IRF2BPL: variants seen among roughly 807,000 people sequenced by gnomAD.
IRF2BPL encodes the protein probable E3 ubiquitin-protein ligase IRF2BPL.
In IRF2BPL, 13 loss-of-function variants were observed where a neutral mutation model predicts 51.2. The ratio of observed to expected loss-of-function variants is 0.25; its 90% confidence interval spans 0.17 to 0.40. The LOEUF (loss-of-function observed/expected upper bound fraction) is 0.40. Among genes scored for constraint, IRF2BPL ranks in the 10% least tolerant of loss-of-function variants. IRF2BPL has a pLI of 1.00. For missense variants in IRF2BPL, 1,210 were observed against 1,111.8 expected, an observed-to-expected ratio of 1.09 and a Z score of -1.26; for synonymous variants, 768 against 509.2, an observed-to-expected ratio of 1.51 and a Z score of -6.84.
At position 77,024,669 on chromosome 14, in the gene IRF2BPL, T is replaced by C. The variant is rs1454163936; in HGVS notation, c.*733A>G. On this transcript the variant is annotated 3_prime_UTR_variant, in exon 1 of 1. Coordinates refer to ENST00000238647, the MANE Select transcript of IRF2BPL (RefSeq NM_024496.4). ...CATGTCTAGCATTTCGCTCTACTGT[T>C]CAAAAGCATCCGTGCATCAATAAAG... is the stretch of plus-strand genomic sequence containing the variant. The C allele has an allele frequency of 6.6e-6, 1 of 152,548 alleles. No homozygotes were observed. Among genetic ancestry groups the C allele is most frequent in the African/African-American group, 2.4e-5 (1 of 41,420 alleles). 9.4% of individuals were successfully genotyped at this position (152,548 alleles called of 1,614,324 possible).
chr14:77,027,027 G>C lies in IRF2BPL; in HGVS notation c.766C>G (p.Leu256Val), dbSNP rs763769095. 4 of 1,539,270 alleles carry C rather than the reference G, an allele frequency of 2.6e-6. No individual in the cohort carries two copies. The highest frequency in any genetic ancestry group is 3.5e-6 in the Non-Finnish European group (4 of 1,144,184). The change falls in exon 1 of 1, where the codon CTG becomes GTG. Residue 256 changes from leucine to valine, a missense_variant. By Grantham distance (32) the Leu-to-Val change is conservative. Coordinates refer to ENST00000238647, the MANE Select transcript of IRF2BPL (RefSeq NM_024496.4). ...CCGTTAAGCAGCGTCTGCGGTAGCA[G>C]GTTGGGGGGCACGGTGAGCTGGGGG... is the stretch of plus-strand genomic sequence containing the variant. Reference protein sequence around the residue: ...GGPQLTVPPNLLPQTLLNGPA... With the variant: ...GGPQLTVPPNVLPQTLLNGPA...
At position 77,027,633 on chromosome 14, in the gene IRF2BPL, C is replaced by T. The variant is rs1193032232; in HGVS notation, c.160G>A (p.Ala54Thr). The change falls in exon 1 of 1, where the codon GCG becomes ACG. Residue 54 changes from alanine (A) to threonine (T), a missense_variant. Ala to Thr is a moderately conservative substitution (Grantham distance 58). Coordinates refer to ENST00000238647, the MANE Select transcript of IRF2BPL (RefSeq NM_024496.4). ...CCGTGCGCCCGCTTCAGCTGGCGCG[C>T]TGTCTCGATCACGAATTCGATGCGA... ...ADRIEFVIET[A>T]RQLKRAHGCF... 1.7e-5 allele frequency: 28 copies of T among 1,608,974 alleles called. No individual in the cohort carries two copies. The Admixed American group carries it at 2.0e-4, about 12-fold the overall frequency.
In IRF2BPL at chr14:77,028,235, C is replaced by T. The variant is rs1325347395; in HGVS notation, c.-443G>A. On this transcript the variant is annotated 5_prime_UTR_variant, in exon 1 of 1. Transcript: ENST00000238647. ...CTTCCTCTCCCCGGGGACCCCCCTA[C>T]GAGCTGCGTCCTCTCCCCGACGGGC... The T allele has an allele frequency of 8.8e-6, 2 of 226,922 alleles. No individual in the cohort carries two copies. Among genetic ancestry groups the T allele is most frequent in the Non-Finnish European group, 1.9e-5 (2 of 107,984 alleles). The allele number at this position is 226,922 out of a possible 1,614,324, so 14.1% of individuals were successfully genotyped here.
At position 77,026,359 on chromosome 14, in the gene IRF2BPL, G is replaced by C. The variant is rs1158010264; in HGVS notation, c.1434C>G (p.Leu478=). ...CCTTGAAGAAGCGCACGGCTTCGGG[G>C]AGCAGGTCTCCAAGCAGGCGCCAGT... ...SGDWRLLGDL[L]PEAVRFFKEG... is the part of the protein sequence containing the mutation. The change falls in exon 1 of 1, where the codon CTC becomes CTG. Residue 478 remains leucine, a synonymous_variant. Coordinates refer to ENST00000238647, the MANE Select transcript of IRF2BPL (RefSeq NM_024496.4). 1 of 1,610,398 alleles carries C rather than the reference G, an allele frequency of 6.2e-7. No individual in the cohort carries two copies. The highest frequency in any genetic ancestry group is 8.5e-7 in the Non-Finnish European group (1 of 1,178,864).
chr14:77,026,318 G>C lies in IRF2BPL; in HGVS notation c.1475C>G (p.Ala492Gly), dbSNP rs200748907. 6.4e-7 allele frequency: 1 copy of C among 1,564,266 alleles called. No homozygotes were observed. The change falls in exon 1 of 1, where the codon GCC becomes GGC. Residue 492 changes from alanine to glycine, a missense_variant. Ala to Gly is a moderately conservative substitution (Grantham distance 60). Coordinates refer to ENST00000238647, the MANE Select transcript of IRF2BPL (RefSeq NM_024496.4). ...CAGGTAGGGCTGGGGCAGCATGTCGGCGCCGGGCACGCCCTCCTTGAAGAA... is the reference window on the plus strand; with the variant it reads ...CAGGTAGGGCTGGGGCAGCATGTCGCCGCCGGGCACGCCCTCCTTGAAGAA... ...VRFFKEGVPGADMLPQPYLDA... is the reference protein window; with the variant it reads ...VRFFKEGVPGGDMLPQPYLDA...
rs780366987 is a variant in IRF2BPL at position 77,025,780 on chromosome 14, G to C, written c.2013C>G (p.Arg671=). ...VSPASVPGQR[R]LASRNGDLNL... ...TCAGGTCCCCGTTACGTGATGCCAA[G>C]CGGCGCTGCCCCGGCACGGAGGCCG... Residue 671 remains arginine, a synonymous_variant, in exon 1 of 1, where the codon CGC becomes CGG. Transcript: ENST00000238647. The C allele has an allele frequency of 1.9e-6, 3 of 1,608,948 alleles. No individual in the cohort carries two copies. Among genetic ancestry groups the C allele is most frequent in the Non-Finnish European group, 2.5e-6 (3 of 1,177,570 alleles).
In IRF2BPL at chr14:77,025,726, G is replaced by A. The variant is rs752214312; in HGVS notation, c.2067C>T (p.Ser689=). Residue 689 remains serine (S), a synonymous_variant, in exon 1 of 1, where the codon AGC becomes AGT. Coordinates refer to ENST00000238647, the MANE Select transcript of IRF2BPL (RefSeq NM_024496.4). The part of the protein sequence containing the change: ...LNLQVAPPPP[S]AHPGMDQVHP... Reference sequence around the variant, plus strand: ...GCACTTGGTCCATGCCCGGGTGGGCGCTAGGCGGCGGGGGCGCCACCTGTA... The same window carrying A: ...GCACTTGGTCCATGCCCGGGTGGGCACTAGGCGGCGGGGGCGCCACCTGTA... 18 of 1,577,898 alleles carry A rather than the reference G, an allele frequency of 1.1e-5. No homozygotes were observed. In the Admixed American group the frequency reaches 3.0e-4, roughly 26 times the overall value.
At position 77,025,563 on chromosome 14, in the gene IRF2BPL, T is replaced by G; in HGVS notation, c.2230A>C (p.Arg744=). Residue 744 remains arginine, a synonymous_variant, in exon 1 of 1, where the codon AGA becomes CGA. Coordinates refer to ENST00000238647, the MANE Select transcript of IRF2BPL (RefSeq NM_024496.4). ...PSHKFCFPCS[R]ESIKAQGATG... ...GCCCCCTGGGCCTTGATACTCTCTC[T>G]AGAGCAAGGGAAGCAAAATTTGTGG... 6.2e-7 allele frequency: 1 copy of G among 1,611,364 alleles called. No homozygotes were observed. The highest frequency in any genetic ancestry group is 8.5e-7 in the Non-Finnish European group (1 of 1,178,888).
rs1422238249 is a variant in IRF2BPL, at chr14:77,024,866, C to A, written c.*536G>T. The A allele has an allele frequency of 8.0e-6, 1 of 124,522 alleles. No homozygotes were observed. Among genetic ancestry groups the A allele is most frequent in the Non-Finnish European group, 1.6e-5 (1 of 63,214 alleles). The allele number at this position is 124,522 out of a possible 1,614,324, so 7.7% of individuals were successfully genotyped here. A position where few individuals can be genotyped will look rare whatever the true frequency, so the allele number is the denominator to read the frequency against. On this transcript the variant is annotated 3_prime_UTR_variant, in exon 1 of 1. Coordinates refer to ENST00000238647, the MANE Select transcript of IRF2BPL (RefSeq NM_024496.4). ...ACAAAACAACAAAATAAAGTGAAGA[C>A]TTCAACACTTGGGGCAGTTTAGAAG... is the stretch of plus-strand genomic sequence containing the variant.
chr14:77,027,413 T>G lies in IRF2BPL; in HGVS notation c.380A>C (p.Gln127Pro), dbSNP rs1326657046. The change falls in exon 1 of 1, where the codon CAG (glutamine) becomes CCG (proline). Residue 127 changes from glutamine (Q) to proline (P), a missense_variant. Gln to Pro is a moderately conservative substitution (Grantham distance 76). Transcript: ENST00000238647. ...QQQQQQQQQQQLNHVDGSSKP... is the reference protein window; with the variant it reads ...QQQQQQQQQQPLNHVDGSSKP... ...GCTGGAACCATCAACGTGGTTGAGC[T>G]GTTGTTGCTGCTGCTGCTGCTGCTG... The G allele has an allele frequency of 7.1e-7, 1 of 1,416,184 alleles. No individual in the cohort carries two copies. The highest frequency in any genetic ancestry group is 9.2e-7 in the Non-Finnish European group (1 of 1,088,562). The allele number at this position is 1,416,184 out of a possible 1,614,324, so 87.7% of individuals were successfully genotyped here. A position where few individuals can be genotyped will look rare whatever the true frequency, so the allele number is the denominator to read the frequency against.
At position 77,026,125 on chromosome 14, in the gene IRF2BPL, G is replaced by T; in HGVS notation, c.1668C>A (p.Gly556=). The change falls in exon 1 of 1, where the codon GGC becomes GGA. Residue 556 remains glycine (G), a synonymous_variant. Transcript: ENST00000238647. Reference sequence around the variant, plus strand: ...GCTGTTCCTCGCCCAGCTTCAGCGCGCCCTCGGCTGAGTCCGGGGGCTCCG... The same window carrying T: ...GCTGTTCCTCGCCCAGCTTCAGCGCTCCCTCGGCTGAGTCCGGGGGCTCCG... The part of the protein sequence containing the change: ...ASPEPPDSAE[G]ALKLGEEQQR... 6.4e-7 allele frequency: 1 copy of T among 1,565,832 alleles called. No individual in the cohort carries two copies. Among genetic ancestry groups the T allele is most frequent in the Non-Finnish European group, 8.6e-7 (1 of 1,162,246 alleles).
chr14:77,026,171 A>C lies in IRF2BPL; in HGVS notation c.1622T>G (p.Leu541Arg), dbSNP rs1885109315. The change falls in exon 1 of 1, where the codon CTG (leucine) becomes CGG (arginine). Residue 541 changes from leucine (L) to arginine (R), a missense_variant. Transcript: ENST00000238647. ...APSGRGAAAS[L>R]RKRKASPEPP... ...CTCCGGAGAGGCCTTTCTCTTGCGC[A>C]GGCTGGCGGCTGCGCCCCGGCCCGA... is the stretch of plus-strand genomic sequence containing the variant. 1 of 1,449,902 alleles carries C rather than the reference A, an allele frequency of 6.9e-7. No individual in the cohort carries two copies. Among genetic ancestry groups the C allele is most frequent in the African/African-American group, 1.5e-5 (1 of 66,892 alleles). 89.8% of individuals were successfully genotyped at this position (1,449,902 alleles called of 1,614,324 possible).
chr14:77,027,297 C>T lies in IRF2BPL; in HGVS notation c.496G>A (p.Glu166Lys). 6.4e-7 allele frequency: 1 copy of T among 1,567,186 alleles called. No individual in the cohort carries two copies. Among genetic ancestry groups the T allele is most frequent in the Non-Finnish European group, 8.6e-7 (1 of 1,163,624 alleles). The change falls in exon 1 of 1, where the codon GAA becomes AAA. Residue 166 changes from glutamate (E) to lysine (K), a missense_variant. Glu to Lys is a moderately conservative substitution (Grantham distance 56). Coordinates refer to ENST00000238647, the MANE Select transcript of IRF2BPL (RefSeq NM_024496.4). ...AAAAAAAAAV[E>K]QRSRFEYPPP... Reference sequence around the variant, plus strand: ...GGGTACTCGAAGCGGCTGCGCTGTTCCACCGCAGCGGCGGCGGCGGCGGCG... The same window carrying T: ...GGGTACTCGAAGCGGCTGCGCTGTTTCACCGCAGCGGCGGCGGCGGCGGCG...
At position 77,028,304 on chromosome 14, in the gene IRF2BPL, G is replaced by T; in HGVS notation, c.-512C>A. The T allele has an allele frequency of 4.0e-6, 1 of 248,572 alleles. No individual in the cohort carries two copies. The highest frequency in any genetic ancestry group is 8.2e-6 in the Non-Finnish European group (1 of 122,366). 15.4% of individuals were successfully genotyped at this position (248,572 alleles called of 1,614,324 possible). A position where few individuals can be genotyped will look rare whatever the true frequency, so the allele number is the denominator to read the frequency against. On this transcript the variant is annotated 5_prime_UTR_variant, in exon 1 of 1. Transcript: ENST00000238647. ...GAGGGTTCAGTGCCACCCGGTGCCC[G>T]GGTCCAATCTTGCTGAAGCCGCTGC...
chr14:77,026,066 G>T lies in IRF2BPL; in HGVS notation c.1727C>A (p.Ala576Glu). 4 of 1,567,928 alleles carry T rather than the reference G, an allele frequency of 2.6e-6. No homozygotes were observed. Among genetic ancestry groups the T allele is most frequent in the Non-Finnish European group, 3.4e-6 (4 of 1,161,018 alleles). The stretch of plus-strand genomic sequence containing the variant: ...CCCGGCGGACATGGTGAGCTTCAGC[G>T]CCTCGCTCTGGTTCGCCATCCACTG... The part of the protein sequence containing the change: ...RQQWMANQSE[A>E]LKLTMSAGGF... The change falls in exon 1 of 1, where the codon GCG (alanine) becomes GAG (glutamate). Residue 576 changes from alanine (A) to glutamate (E), a missense_variant. Ala to Glu is a moderately radical substitution (Grantham distance 107). Coordinates refer to ENST00000238647, the MANE Select transcript of IRF2BPL (RefSeq NM_024496.4).
chr14:77,027,936 A>C lies in IRF2BPL; in HGVS notation c.-144T>G, dbSNP rs1386274024. ...GAGAAAGTTCTGCCCCAGGGGCTGG[A>C]GGGAACGCGAGTCTCCACCGCCGGC... is the stretch of plus-strand genomic sequence containing the variant. On this transcript the variant is annotated 5_prime_UTR_variant, in exon 1 of 1. Transcript: ENST00000238647. 7 of 1,018,418 alleles carry C rather than the reference A, an allele frequency of 6.9e-6. No individual in the cohort carries two copies. The allele number at this position is 1,018,418 out of a possible 1,614,324, so 63.1% of individuals were successfully genotyped here. A position where few individuals can be genotyped will look rare whatever the true frequency, so the allele number is the denominator to read the frequency against.
chr14:77,028,326 C>A lies in IRF2BPL; in HGVS notation c.-534G>T, dbSNP rs926267297. The stretch of plus-strand genomic sequence containing the variant: ...CCCGGGTCCAATCTTGCTGAAGCCG[C>A]TGCTTCCCCGGAGGACCGGGGGAGG... On this transcript the variant is annotated 5_prime_UTR_variant, in exon 1 of 1. Transcript: ENST00000238647. 2.0e-5 allele frequency: 5 copies of A among 254,594 alleles called. No individual in the cohort carries two copies. The highest frequency in any genetic ancestry group is 4.6e-5 in the African/African-American group (2 of 43,792). 15.8% of individuals were successfully genotyped at this position (254,594 alleles called of 1,614,324 possible).
Position 77,027,831 on chromosome 14 carries a change from G to A in IRF2BPL, c.-39C>T, listed in dbSNP as rs766987373. 5.5e-6 allele frequency: 8 copies of A among 1,467,750 alleles called. No homozygotes were observed. Among genetic ancestry groups the A allele is most frequent in the Non-Finnish European group, 7.3e-6 (8 of 1,103,050 alleles). 90.9% of individuals were successfully genotyped at this position (1,467,750 alleles called of 1,614,324 possible). A position where few individuals can be genotyped will look rare whatever the true frequency, so the allele number is the denominator to read the frequency against. ...GGGAAGGTAGGCCCCCGCCCGGGCTGTCTCCGCGGCGCCTTCTCCTCCGGG... is the reference window on the plus strand; with the variant it reads ...GGGAAGGTAGGCCCCCGCCCGGGCTATCTCCGCGGCGCCTTCTCCTCCGGG... On this transcript the variant is annotated 5_prime_UTR_variant, in exon 1 of 1. Coordinates refer to ENST00000238647, the MANE Select transcript of IRF2BPL (RefSeq NM_024496.4).
rs757025289 is a variant in IRF2BPL, at chr14:77,027,331, G to GGCA, written c.459_461dup (p.Ala164dup). On this transcript the variant is annotated inframe_insertion, in exon 1 of 1. Transcript: ENST00000238647. ...CGGCGGCGGCGGCGGCGGCGGCGGC[G>GGCA]GCAGCGCTTAGGCCGTAGCGCTCCA... 105 of 1,526,330 alleles carry GGCA rather than the reference G, an allele frequency of 6.9e-5. No individual in the cohort carries two copies. The highest frequency in any genetic ancestry group is 2.2e-4 in the Middle Eastern group (1 of 4,520). The allele number at this position is 1,526,330 out of a possible 1,614,324, so 94.5% of individuals were successfully genotyped here.
Sources: gnomAD v4.1 joint callset for allele counts on GRCh38, gnomAD v4.1.1 for gene constraint, MANE v1.5 for transcripts, NCBI Gene and HGNC (gene_info 2026-07-23, HGNC 2026-07-21) for gene names.